The following CNTNAP2 variants were observed in gnomAD, a reference collection of about 807,000 sequenced individuals.
CNTNAP2 encodes contactin-associated protein-like 2.
Under a neutral mutation model 155.2 loss-of-function variants are expected in CNTNAP2, and 98 were observed. The observed-to-expected ratio is 0.63, with a 90% CI of 0.54 to 0.75. CNTNAP2 has a LOEUF of 0.75. Ranked by LOEUF, CNTNAP2 falls within the 30% of genes least tolerant of loss-of-function variation. The pLI, the probability that CNTNAP2 is intolerant of heterozygous loss-of-function variation, is 0.00. For synonymous variants in CNTNAP2, 651 were observed against 631.2 expected (o/e 1.03, Z -0.47); for missense variants, 1,727 against 1,688.1 (o/e 1.02, Z -0.40).
rs2129201998 is a variant in CNTNAP2 at position 146,846,380 on chromosome 7, G to A, written c.402+6476G>A. Among the ~76,000 whole-genome samples, 5 of 150,882 alleles carry A rather than the reference G, an allele frequency of 3.3e-5. No individual in the cohort carries two copies. The South Asian group carries it at 1.0e-3, about 32-fold the overall frequency. On this transcript the variant is annotated intron_variant, in intron 3 of 23. Coordinates refer to ENST00000361727, the MANE Select transcript of CNTNAP2 (RefSeq NM_014141.6). The stretch of plus-strand genomic sequence containing the variant: ...TAAAATTATCTTTGATATAAATGGG[G>A]TAAAAATCTTCAGAACTTGTATAGA...
chr7:148,338,562 G>A (rs1193548808), intron 21 of CNTNAP2, among the ~76,000 whole-genome samples: 2 of 130,748 alleles, frequency 1.5e-5, no homozygotes, highest in Non-Finnish European at 1.8e-5. Context: ...GGGGGGGTGA[G>A]GGGGGGGTGA....
At chr7:146,556,595 C>A (rs1299610419) in intron 1 of CNTNAP2, among the ~76,000 whole-genome samples, 1 of 152,068 alleles carries the variant, frequency 6.6e-6, no homozygotes, top group Admixed American at 6.5e-5. Context: ...GACAGAAATA[C>A]TAGGACAGTT....
intron 8 of CNTNAP2, among the ~76,000 whole-genome samples, chr7:147,225,307 G>T (rs923888580): frequency 6.6e-6 from 1 of 152,074 alleles, no homozygotes; most frequent in Non-Finnish European, 1.5e-5. Flanking sequence ...TTTTAGGGTT[G>T]CCGTTTGTTT....
In CNTNAP2 at chr7:146,708,588, A is replaced by ATTTTTTTTTTTTTT. The variant is rs71165029; in HGVS notation, c.98-65670_98-65657dup. On this transcript the variant is annotated intron_variant, in intron 1 of 23. Coordinates refer to ENST00000361727, the MANE Select transcript of CNTNAP2 (RefSeq NM_014141.6). ...CTGTTTAAGAAAAAAAAAAAAAGTG[A>ATTTTTTTTTTTTTT]TTTTTTTTTTTTTTTTTTTTTTTTT... 1.2e-3 allele frequency among the ~76,000 whole-genome samples: 76 copies of ATTTTTTTTTTTTTT among 63,972 alleles called. 16 individuals are homozygous for ATTTTTTTTTTTTTT. The highest frequency in any genetic ancestry group is 0.031 in the Middle Eastern group (1 of 32). 42.0% of individuals were successfully genotyped at this position (63,972 alleles called of 152,430 possible).
At chr7:147,796,727 G>T (rs149062837) in intron 13 of CNTNAP2, among the ~76,000 whole-genome samples, 1 of 152,162 alleles carries the variant, frequency 6.6e-6, no homozygotes, top group Admixed American at 6.5e-5. Flanking sequence ...GCTGGGCAAG[G>T]ATGCACAGAG....
chr7:146,985,599 C>T (rs886708783), intron 3 of CNTNAP2, among the ~76,000 whole-genome samples: 43 of 152,030 alleles, frequency 2.8e-4, no homozygotes, highest in African/African-American at 9.2e-4. Context: ...GGATTACAGG[C>T]GTAAGCCACT....
chr7:146,293,124 T>C (rs1442399061), intron 1 of CNTNAP2, among the ~76,000 whole-genome samples: 2 of 152,130 alleles, frequency 1.3e-5, no homozygotes, highest in Non-Finnish European at 2.9e-5. Flanking sequence ...ACAGCTATAA[T>C]TTATCAATTT....
chr7:146,139,400 T>C lies in CNTNAP2; in HGVS notation c.97+22427T>C, dbSNP rs57946346. Among the ~76,000 whole-genome samples the C allele has an allele frequency of 4.0e-3, 603 of 152,142 alleles. 2 individuals carry two copies. Among genetic ancestry groups the C allele is most frequent in the African/African-American group, 0.014 (577 of 41,538 alleles). ...TTCCCACCACAAAATGGCTTAAGAG[T>C]GCTGTATTTTGCTATCTTTTCTTAT... On this transcript the variant is annotated intron_variant, in intron 1 of 23. Transcript: ENST00000361727.
intron 13 of CNTNAP2, among the ~76,000 whole-genome samples, chr7:147,764,259 C>A (rs567398618): frequency 1.1e-3 from 171 of 152,260 alleles, no homozygotes; most frequent in Non-Finnish European, 1.9e-3. Context: ...CTAGGAGGGT[C>A]AACTGCTCCT....
intron 20 of CNTNAP2, among the ~76,000 whole-genome samples, chr7:148,249,349 C>T (rs1796327218): frequency 6.6e-6 from 1 of 152,096 alleles, no homozygotes; most frequent in Admixed American, 6.5e-5. Flanking sequence ...CCTCCTTCTC[C>T]CTCATGGGCC....
intron 1 of CNTNAP2, among the ~76,000 whole-genome samples, chr7:146,577,029 C>T (rs745537067): frequency 6.6e-6 from 1 of 151,980 alleles, no homozygotes; most frequent in Non-Finnish European, 1.5e-5. Flanking sequence ...TTATCACCTG[C>T]CATCATTCAT....
intron 10 of CNTNAP2, among the ~76,000 whole-genome samples, chr7:147,439,894 C>T (rs189078523): frequency 1.3e-5 from 2 of 152,014 alleles, no homozygotes; most frequent in African/African-American, 4.8e-5. Flanking sequence ...AGAATCGTAA[C>T]TCCTACTTTT....
intron 21 of CNTNAP2, among the ~76,000 whole-genome samples, chr7:148,270,873 C>T (rs1266644835): frequency 6.6e-6 from 1 of 152,202 alleles, no homozygotes; most frequent in African/African-American, 2.4e-5. Flanking sequence ...CCTCTCAGAG[C>T]CTAGGTTCTC....
At chr7:147,167,952 T>C (rs1295176447) in intron 8 of CNTNAP2, among the ~76,000 whole-genome samples, 1 of 150,540 alleles carries the variant, frequency 6.6e-6, no homozygotes, top group African/African-American at 2.4e-5. Flanking sequence ...ATATTTACAT[T>C]ATATGTGTAT....
intron 1 of CNTNAP2, among the ~76,000 whole-genome samples, chr7:146,659,891 A>T (rs921400816): frequency 6.6e-6 from 1 of 152,204 alleles, no homozygotes; most frequent in African/African-American, 2.4e-5. Flanking sequence ...TTCCACACAG[A>T]TGTTGGCACA....
chr7:147,057,073 T>C (rs368230457), intron 4 of CNTNAP2, among the ~76,000 whole-genome samples: 8 of 152,280 alleles, frequency 5.3e-5, no homozygotes, highest in African/African-American at 1.9e-4. Context: ...GTGTTGGGAT[T>C]ACAGGTGTGA....
intron 4 of CNTNAP2, among the ~76,000 whole-genome samples, chr7:147,069,938 G>T (rs1404610452): frequency 6.6e-6 from 1 of 152,144 alleles, no homozygotes; most frequent in African/African-American, 2.4e-5. Context: ...TGGGATAGTG[G>T]CTGCAGTATT....
intron 1 of CNTNAP2, among the ~76,000 whole-genome samples, chr7:146,591,116 C>G (rs540541944): frequency 1.3e-5 from 2 of 152,168 alleles, no homozygotes; most frequent in African/African-American, 4.8e-5. Context: ...AGCTTTGTTT[C>G]ATGCACAAAT....
intron 1 of CNTNAP2, among the ~76,000 whole-genome samples, chr7:146,730,136 T>G (rs921449006): frequency 9.2e-5 from 14 of 152,118 alleles, no homozygotes; most frequent in Admixed American, 3.9e-4. Flanking sequence ...TAAAACTCAT[T>G]CCTAACCAAA....
Sources: gnomAD v4.1 joint callset for allele counts (sites outside exome capture counted in the v4.1 genomes callset) on GRCh38, gnomAD v4.1.1 for gene constraint, MANE v1.5 for transcripts, NCBI Gene and HGNC (gene_info 2026-07-23, HGNC 2026-07-21) for gene names.